Variants in RERE observed in about 807,000 individuals in gnomAD.
RERE encodes the protein arginine-glutamic acid dipeptide repeats protein.
RERE carries 40 observed loss-of-function variants against 146.1 expected under a neutral mutation model. That is an observed-to-expected ratio of 0.27 (90% CI 0.21 to 0.36). RERE has a LOEUF of 0.36. RERE is among the 10% of genes least tolerant of loss of function. RERE has a pLI of 1.00. For missense variants in RERE, 1,933 were observed against 2,138.7 expected (o/e 0.90, Z 1.90); for synonymous variants, 1,003 against 866.0 (o/e 1.16, Z -2.78).
chr1:8,545,186 T>C (rs1645843023), intron 6 of RERE, among the ~76,000 whole-genome samples: 1 of 152,244 alleles, frequency 6.6e-6, no homozygotes. Flanking sequence ...TAAAGTCTTG[T>C]ATACTCTGTA....
chr1:8,745,150 G>C (rs1640394595), intron 1 of RERE, among the ~76,000 whole-genome samples: 1 of 152,132 alleles, frequency 6.6e-6, no homozygotes, highest in Non-Finnish European at 1.5e-5. Flanking sequence ...GGCAGGAGGT[G>C]ATTGGATCAC....
intron 4 of RERE, among the ~76,000 whole-genome samples, chr1:8,591,737 C>T (rs1646496548): frequency 6.6e-6 from 1 of 152,230 alleles, no homozygotes; most frequent in Non-Finnish European, 1.5e-5. Flanking sequence ...AATTCTCCTC[C>T]TTAGCATTAT....
chr1:8,603,977 A>G (rs1220518544), intron 4 of RERE, among the ~76,000 whole-genome samples: 1 of 151,402 alleles, frequency 6.6e-6, no homozygotes, highest in Non-Finnish European at 1.5e-5. Context: ...GAAGTTCCAC[A>G]TGCTGCAAAG....
intron 4 of RERE, among the ~76,000 whole-genome samples, chr1:8,593,597 T>C (rs184164333): frequency 1.3e-3 from 203 of 152,350 alleles, no homozygotes; most frequent in Non-Finnish European, 2.4e-3. Flanking sequence ...GTCTCAGGTA[T>C]GGCTTTATTA....
intron 1 of RERE, among the ~76,000 whole-genome samples, chr1:8,758,505 C>T (rs1404886244): frequency 6.6e-6 from 1 of 151,882 alleles, no homozygotes; most frequent in Non-Finnish European, 1.5e-5. Context: ...AATCCTCCTG[C>T]CTCAGCCTCC....
intron 7 of RERE, among the ~76,000 whole-genome samples, chr1:8,538,435 T>G (rs1174667471): frequency 6.6e-6 from 1 of 152,192 alleles, no homozygotes; most frequent in East Asian, 1.9e-4. Flanking sequence ...AGAACTGGGC[T>G]GTGCACAGCC....
At chr1:8,617,201 G>A (rs1409520453) in intron 3 of RERE, among the ~76,000 whole-genome samples, 6 of 151,908 alleles carry the variant, frequency 3.9e-5, no homozygotes, top group Non-Finnish European at 5.9e-5. Context: ...AAACATAGCC[G>A]GGGGTGGTGG....
chr1:8,466,442 G>A (rs983913440), intron 10 of RERE, among the ~76,000 whole-genome samples: 1 of 151,954 alleles, frequency 6.6e-6, no homozygotes, highest in African/African-American at 2.4e-5. Flanking sequence ...AGGAAACTGA[G>A]GCACAGAAAG....
At chr1:8,616,665 A>C (rs1274966501) in intron 3 of RERE, among the ~76,000 whole-genome samples, 2 of 152,334 alleles carry the variant, frequency 1.3e-5, no homozygotes, top group Admixed American at 1.3e-4. Context: ...ATATATAATT[A>C]AACAAAACTT....
intron 1 of RERE, among the ~76,000 whole-genome samples, chr1:8,720,626 G>T (rs549142008): frequency 2.0e-5 from 3 of 152,154 alleles, no homozygotes; most frequent in African/African-American, 4.8e-5. Flanking sequence ...GGCAACGGAC[G>T]AGTCGAGTCC....
intron 1 of RERE, among the ~76,000 whole-genome samples, chr1:8,668,288 T>TA (rs1261850656): frequency 6.6e-6 from 1 of 152,216 alleles, no homozygotes; most frequent in Admixed American, 6.5e-5. Flanking sequence ...TAGGAGAACA[T>TA]AATCAAATAT....
chr1:8,561,140 G>A (rs1171163020), intron 4 of RERE, among the ~76,000 whole-genome samples: 1 of 152,076 alleles, frequency 6.6e-6, no homozygotes, highest in African/African-American at 2.4e-5. Flanking sequence ...TAACTGCTTT[G>A]GTTTATTTGT....
intron 12 of RERE, among the ~76,000 whole-genome samples, chr1:8,411,312 CA>C (rs1643608538): frequency 6.9e-6 from 1 of 144,610 alleles, no homozygotes; most frequent in African/African-American, 2.6e-5. Flanking sequence ...ATAAGGGCTT[CA>C]AGTCTTTTTT....
chr1:8,411,280 T>C (rs932077956), intron 12 of RERE, among the ~76,000 whole-genome samples: 1 of 151,266 alleles, frequency 6.6e-6, no homozygotes, highest in Admixed American at 6.6e-5. Flanking sequence ...AGTCACCTGA[T>C]AGATTTACAA....
At chr1:8,731,792 GT>G (rs1640091300) in intron 1 of RERE, among the ~76,000 whole-genome samples, 48 of 151,032 alleles carry the variant, frequency 3.2e-4, no homozygotes, top group Admixed American at 2.9e-3. Flanking sequence ...TTGTTTGTTT[GT>G]TTGTTTGTTT....
At chr1:8,624,483 AT>A in intron 2 of RERE, 103 bp from the exon 3 acceptor site, 1 of 696,862 alleles carries the variant, frequency 1.4e-6, no homozygotes, top group Non-Finnish European at 2.4e-6. Flanking sequence ...CAAAGCACAT[AT>A]CTTTTATTGT....
chr1:8,463,028 TGTG>T (rs1644546339), intron 11 of RERE, among the ~76,000 whole-genome samples: 2 of 152,122 alleles, frequency 1.3e-5, no homozygotes, highest in Admixed American at 1.3e-4. Flanking sequence ...GGTGAGAAAA[TGTG>T]GTAAATTTAA....
At chr1:8,480,129 TTTTTTTTTTTTTTG>T (rs1445240968) in intron 10 of RERE, among the ~76,000 whole-genome samples, 24 of 4,248 alleles carry the variant, frequency 5.6e-3, no homozygotes, top group Admixed American at 0.03. Flanking sequence ...CCTTTTTTTG[TTTTTTTTTTTTTTG>T]TTTTTTTTTT....
intron 2 of RERE, among the ~76,000 whole-genome samples, chr1:8,637,578 G>A (rs187202280): frequency 2.2e-4 from 34 of 152,206 alleles, no homozygotes; most frequent in Non-Finnish European, 4.4e-4. Flanking sequence ...TTAGAAGGAC[G>A]ATATCCTCTG....
Sources: allele counts gnomAD v4.1 joint callset (sites outside exome capture counted in the v4.1 genomes callset), GRCh38; gene constraint gnomAD v4.1.1; transcripts MANE v1.5; gene names NCBI Gene and HGNC (gene_info 2026-07-23, HGNC 2026-07-21).